Variants in STRAP observed in about 807,000 individuals in gnomAD.
The protein encoded by STRAP is serine/threonine kinase receptor associated protein.
Under a neutral mutation model 47.0 loss-of-function variants are expected in STRAP, and 16 were observed. The observed-to-expected ratio is 0.34, with a 90% CI of 0.23 to 0.52. STRAP has a LOEUF of 0.52. Among genes scored for constraint, STRAP ranks in the 20% least tolerant of loss-of-function variants. The pLI, the probability that STRAP is intolerant of heterozygous loss-of-function variation, is 0.96. For missense variants in STRAP, 293 were observed against 420.0 expected (o/e 0.70, Z 2.64); for synonymous variants, 130 against 142.7 (o/e 0.91, Z 0.63).
Position 15,902,920 on chromosome 12 carries a change from A to G in STRAP, c.995A>G (p.Glu332Gly), listed in dbSNP as rs1436183128. The G allele has an allele frequency of 6.7e-7, 1 of 1,493,510 alleles. No homozygotes were observed. Among genetic ancestry groups the G allele is most frequent in the East Asian group, 2.4e-5 (1 of 41,090 alleles). 92.5% of individuals were successfully genotyped at this position (1,493,510 alleles called of 1,614,324 possible). Residue 332 changes from glutamate to glycine, a missense_variant, in exon 10 of 10, where the codon GAA (glutamate) becomes GGA (glycine). Coordinates refer to ENST00000419869, the MANE Select transcript of STRAP (RefSeq NM_007178.4). The part of the protein sequence containing the change: ...FPETTEEELE[E>G]IASENSDCIF... ...TTTTTTTTTTTTTTACTTATAGAAG[A>G]AATTGCTTCAGAGAATTCAGATTGC...
chr12:15,891,986 A>G (rs1489094379), intron 4 of STRAP, among the ~76,000 whole-genome samples: 1 of 152,136 alleles, frequency 6.6e-6, no homozygotes, highest in African/African-American at 2.4e-5. Context: ...GATAGATACT[A>G]CCAAAGTGTC....
chr12:15,882,996 G>A, intron 1 of STRAP, 177 bp downstream of exon 1: 1 of 1,467,478 alleles, frequency 6.8e-7, no homozygotes, highest in Non-Finnish European at 9.2e-7. Context: ...GGAATCCGCA[G>A]CTGGAGCCGA....
At chr12:15,892,961 T>C (rs1441465687) in intron 4 of STRAP, among the ~76,000 whole-genome samples, 1 of 152,212 alleles carries the variant, frequency 6.6e-6, no homozygotes, top group South Asian at 2.1e-4. Context: ...GGTTTTACTG[T>C]GTATCGGGTA....
chr12:15,892,017 A>G (rs991749566), intron 4 of STRAP, among the ~76,000 whole-genome samples: 1 of 152,178 alleles, frequency 6.6e-6, no homozygotes, highest in Non-Finnish European at 1.5e-5. Context: ...GTATGGGTAT[A>G]TATGTATGTA....
intron 1 of STRAP, 88 bp downstream of exon 1, chr12:15,882,907 T>G (rs1591981479): frequency 7.0e-7 from 1 of 1,422,984 alleles, no homozygotes; most frequent in Non-Finnish European, 9.7e-7. Context: ...GAAGCGGTGG[T>G]GTGGTGAGGG....
rs550026418 is a variant in STRAP, at chr12:15,902,252, G to A, written c.992-665G>A. Among the ~76,000 whole-genome samples the A allele has an allele frequency of 1.2e-3, 180 of 152,250 alleles. 2 individuals are homozygous for A. Among genetic ancestry groups the A allele is most frequent in the Non-Finnish European group, 1.6e-3 (112 of 68,014 alleles). ...CTCCCAAAGTGCTGGGATTACAGGC[G>A]TGAGCCACTGCACCCGGCCTATCAT... is the stretch of plus-strand genomic sequence containing the variant. On this transcript the variant is annotated intron_variant, in intron 9 of 9. Coordinates refer to ENST00000419869, the MANE Select transcript of STRAP (RefSeq NM_007178.4).
intron 2 of STRAP, among the ~76,000 whole-genome samples, chr12:15,884,175 G>T (rs938918476): frequency 1.3e-5 from 2 of 152,164 alleles, no homozygotes; most frequent in Non-Finnish European, 2.9e-5. Context: ...AAGCATTCTT[G>T]ATTTTCCCTT....
intron 4 of STRAP, among the ~76,000 whole-genome samples, chr12:15,891,799 G>A (rs933546092): frequency 5.3e-5 from 8 of 152,140 alleles, no homozygotes; most frequent in African/African-American, 1.9e-4. Flanking sequence ...AAAAAAATTA[G>A]CTGGGCATGG....
At chr12:15,901,386 G>GA (rs1199935847) in intron 9 of STRAP, among the ~76,000 whole-genome samples, 2 of 152,200 alleles carry the variant, frequency 1.3e-5, no homozygotes, top group East Asian at 1.9e-4. Context: ...GAGGTCATGA[G>GA]AGGGGGTGTT....
At chr12:15,893,116 C>T (rs761449861) in intron 4 of STRAP, among the ~76,000 whole-genome samples, 1 of 152,148 alleles carries the variant, frequency 6.6e-6, no homozygotes, top group Non-Finnish European at 1.5e-5. Context: ...CCCCTAGAGA[C>T]AGCAGTGAGG....
chr12:15,896,846 C>T lies in STRAP; in HGVS notation c.639-1036C>T, dbSNP rs1695718498. Among the ~76,000 whole-genome samples the T allele has an allele frequency of 6.6e-6, 1 of 152,126 alleles. No individual in the cohort carries two copies. Among genetic ancestry groups the T allele is most frequent in the African/African-American group, 2.4e-5 (1 of 41,408 alleles). On this transcript the variant is annotated intron_variant, in intron 6 of 9. Coordinates refer to ENST00000419869, the MANE Select transcript of STRAP (RefSeq NM_007178.4). The surrounding 1 kb of genome is among the most constrained non-coding windows in gnomAD (Gnocchi z 4.1). ...TAATTGATTTCCATAAGGATTATAC[C>T]ACATTACACTTTGATATTTGACCAG... is the stretch of plus-strand genomic sequence containing the variant.
chr12:15,889,626 A>G (rs1330798501), intron 2 of STRAP, among the ~76,000 whole-genome samples: 6 of 152,190 alleles, frequency 3.9e-5, no homozygotes, highest in Non-Finnish European at 8.8e-5. Flanking sequence ...AAATAAAAGT[A>G]AGGAGGATGG....
In STRAP at chr12:15,903,208, G is replaced by C; in HGVS notation, c.*230G>C. 2.8e-6 allele frequency: 1 copy of C among 361,902 alleles called. No individual in the cohort carries two copies. The highest frequency in any genetic ancestry group is 4.2e-5 in the East Asian group (1 of 23,680). 22.4% of individuals were successfully genotyped at this position (361,902 alleles called of 1,614,324 possible). A position where few individuals can be genotyped will look rare whatever the true frequency, so the allele number is the denominator to read the frequency against. ...TTATCCTCTTATAGTACAGTGGCCT[G>C]TTATCTTTTTAATGAATATATACAA... On this transcript the variant is annotated 3_prime_UTR_variant, in exon 10 of 10. Transcript: ENST00000419869.
rs191281388 is a variant in STRAP at position 15,888,718 on chromosome 12, T to A, written c.249-1210T>A. Among the ~76,000 whole-genome samples, 549 of 152,298 alleles carry A rather than the reference T, an allele frequency of 3.6e-3. 5 individuals are homozygous for A. Among genetic ancestry groups the A allele is most frequent in the African/African-American group, 0.012 (499 of 41,570 alleles). ...TGGACAATATCTAGGTGCTTTTTTC[T>A]GAGTTTTTATAGCCATATATATGTC... On this transcript the variant is annotated intron_variant, in intron 2 of 9. Transcript: ENST00000419869.
At chr12:15,898,926 C>T (rs531335349) in intron 7 of STRAP, among the ~76,000 whole-genome samples, 3 of 152,122 alleles carry the variant, frequency 2.0e-5, no homozygotes, top group African/African-American at 4.8e-5. Context: ...ACAAATGGAA[C>T]CTTGGTGATG....
In STRAP at chr12:15,895,400, A is replaced by G; in HGVS notation, c.542A>G (p.Asn181Ser). 2 of 1,596,962 alleles carry G rather than the reference A, an allele frequency of 1.3e-6. No individual in the cohort carries two copies. Among genetic ancestry groups the G allele is most frequent in the Non-Finnish European group, 1.7e-6 (2 of 1,175,464 alleles). Reference sequence around the variant, plus strand: ...ACTATGACAGAAGTGAAATCTCTAAATTTTAATATGTCTGTTAGTAGTATG... The same window carrying G: ...ACTATGACAGAAGTGAAATCTCTAAGTTTTAATATGTCTGTTAGTAGTATG... ...HATMTEVKSL[N>S]FNMSVSSMEY... The change falls in exon 6 of 10, where the codon AAT becomes AGT. Residue 181 changes from asparagine (N) to serine (S), a missense_variant. This residue lies in a region of STRAP where 152 missense variants were observed against 183.0 expected (regional missense o/e 0.83). Transcript: ENST00000419869.
At chr12:15,898,197 A>T in intron 7 of STRAP, 179 bp downstream of exon 7, 1 of 391,198 alleles carries the variant, frequency 2.6e-6, no homozygotes, top group Non-Finnish European at 4.3e-6. Context: ...TTTGGGTCAG[A>T]TGCTTTTATA....
intron 7 of STRAP, among the ~76,000 whole-genome samples, chr12:15,898,452 C>T (rs1482468374): frequency 6.6e-6 from 1 of 152,052 alleles, no homozygotes; most frequent in East Asian, 1.9e-4. Context: ...TCCTAAGACT[C>T]CGTAAAGAAC....
rs191505425 is a variant in STRAP at position 15,894,507 on chromosome 12, A to G, written c.500+364A>G. 1.3e-3 allele frequency among the ~76,000 whole-genome samples: 205 copies of G among 152,342 alleles called. No homozygotes were observed. Among genetic ancestry groups the G allele is most frequent in the African/African-American group, 4.7e-3 (194 of 41,586 alleles). On this transcript the variant is annotated intron_variant, in intron 5 of 9. Coordinates refer to ENST00000419869, the MANE Select transcript of STRAP (RefSeq NM_007178.4). The surrounding 1 kb of genome is among the most constrained non-coding windows in gnomAD (Gnocchi z 4.9). ...CAAAATATTTTACCTTAGAGCTTAT[A>G]TTTTAAATACATTTAATATTATGTG...
Sources: gnomAD v4.1 joint callset for allele counts (sites outside exome capture counted in the v4.1 genomes callset) on GRCh38, gnomAD v4.1.1 for gene constraint, gnomAD v4.1.1 regional missense constraint, Gnocchi (gnomAD v3.1) non-coding constraint, MANE v1.5 for transcripts, NCBI Gene and HGNC (gene_info 2026-07-23, HGNC 2026-07-21) for gene names.